PCLO: variants seen among roughly 807,000 people sequenced by gnomAD.
PCLO encodes protein piccolo.
Under a neutral mutation model 427.5 loss-of-function variants are expected in PCLO, and 82 were observed. The ratio of observed to expected loss-of-function variants is 0.19; its 90% CI spans 0.16 to 0.23. The LOEUF is 0.23. Ranked by LOEUF, PCLO falls within the 10% of genes least tolerant of loss-of-function variation. The pLI, the probability that PCLO is intolerant of heterozygous loss-of-function variation, is 1.00. For synonymous variants in PCLO, 2,357 were observed against 2,155.4 expected (o/e 1.09, Z -2.59); for missense variants, 6,239 against 6,115.9 (o/e 1.02, Z -0.67).
At chr7:82,760,535 T>A in intron 24 of PCLO, 104 bp downstream of exon 24, 2 of 652,574 alleles carry the variant, frequency 3.1e-6, no homozygotes, top group South Asian at 9.4e-5. Context: ...ACTTCTCAAA[T>A]GTCATATAGT....
intron 6 of PCLO, among the ~76,000 whole-genome samples, chr7:82,919,987 T>C (rs1011221796): frequency 1.3e-5 from 2 of 152,024 alleles, no homozygotes; most frequent in African/African-American, 4.8e-5. Flanking sequence ...TACTATGTTT[T>C]AGGACTGGTT....
rs1183777408 is a variant in PCLO at position 83,002,555 on chromosome 7, T to A, written c.3301-36068A>T. On this transcript the variant is annotated intron_variant, in intron 3 of 24. Transcript: ENST00000333891. ...AATACAAATAATTTCAATTTTTAAATGAGAATTCTAAAGAATTTACAAAAT... is the reference window on the plus strand; with the variant it reads ...AATACAAATAATTTCAATTTTTAAAAGAGAATTCTAAAGAATTTACAAAAT... 2.0e-5 allele frequency among the ~76,000 whole-genome samples: 3 copies of A among 151,962 alleles called. No individual in the cohort carries two copies. In the East Asian group the frequency reaches 5.8e-4, roughly 29 times the overall value.
At chr7:83,154,674 G>A in intron 2 of PCLO, 74 bp downstream of exon 2, 1 of 1,080,628 alleles carries the variant, frequency 9.3e-7, no homozygotes, top group Non-Finnish European at 1.4e-6. Context: ...TCATATATGT[G>A]TTTAGTTAAG....
chr7:83,152,058 C>T lies in PCLO; in HGVS notation c.1893+2690G>A, dbSNP rs768299268. ...TGGCTCACTGCAAGCTCCGCCTCCC[C>T]GGTTCAGGCCATTCTCCTGCTTCAG... On this transcript the variant is annotated intron_variant, in intron 2 of 24. Coordinates refer to ENST00000333891, the MANE Select transcript of PCLO (RefSeq NM_033026.6). 3.3e-5 allele frequency among the ~76,000 whole-genome samples: 5 copies of T among 151,946 alleles called. No homozygotes were observed. In the East Asian group the frequency reaches 7.8e-4, roughly 24 times the overall value.
Position 82,787,023 on chromosome 7 carries a change from C to T in PCLO, c.15007+14495G>A, listed in dbSNP as rs182069642. On this transcript the variant is annotated intron_variant, in intron 22 of 24. Coordinates refer to ENST00000333891, the MANE Select transcript of PCLO (RefSeq NM_033026.6). ...CGTTTGGGTTGGTTCCAAGTCTTTT[C>T]TATTGTGAACACACAATAAACATAC... Among the ~76,000 whole-genome samples, 1,012 of 152,200 alleles carry T rather than the reference C, an allele frequency of 6.6e-3. 53 individuals are homozygous for T. The highest frequency in any genetic ancestry group is 0.059 in the Admixed American group (900 of 15,280).
At chr7:82,918,912 C>A (rs1041857646) in intron 6 of PCLO, among the ~76,000 whole-genome samples, 1 of 151,968 alleles carries the variant, frequency 6.6e-6, no homozygotes, top group Non-Finnish European at 1.5e-5. Flanking sequence ...AATATAACCA[C>A]TGATAACATT....
In PCLO at chr7:82,805,732, G is replaced by A. The variant is rs773957898; in HGVS notation, c.14889C>T (p.Ser4963=). The change falls in exon 21 of 25, where the codon AGC becomes AGT. Residue 4963 remains serine (S), a synonymous_variant. Coordinates refer to ENST00000333891, the MANE Select transcript of PCLO (RefSeq NM_033026.6). ...GSGYSVDSEG[S]SSTAGETNLF... Reference sequence around the variant, plus strand: ...GATTAGTCTCCCCTGCAGTGCTGCTGCTTCCTTCACTGTCCACGCTATACC... The same window carrying A: ...GATTAGTCTCCCCTGCAGTGCTGCTACTTCCTTCACTGTCCACGCTATACC... The A allele has an allele frequency of 6.2e-7, 1 of 1,612,742 alleles. No individual in the cohort carries two copies. Among genetic ancestry groups the A allele is most frequent in the Non-Finnish European group, 8.5e-7 (1 of 1,179,338 alleles).
chr7:82,846,297 CTG>C (rs1408125104), intron 12 of PCLO, among the ~76,000 whole-genome samples: 3 of 152,124 alleles, frequency 2.0e-5, no homozygotes, highest in Admixed American at 2.0e-4. Context: ...AGAATTAAAA[CTG>C]TGAACTCATG....
At position 82,969,276 on chromosome 7, in the gene PCLO, C is replaced by T. The variant is rs546573704; in HGVS notation, c.3301-2789G>A. Among the ~76,000 whole-genome samples, 106 of 151,876 alleles carry T rather than the reference C, an allele frequency of 7.0e-4. 2 individuals are homozygous for T. Among genetic ancestry groups the T allele is most frequent in the African/African-American group, 2.5e-3 (102 of 41,436 alleles). On this transcript the variant is annotated intron_variant, in intron 3 of 24. Coordinates refer to ENST00000333891, the MANE Select transcript of PCLO (RefSeq NM_033026.6). ...TTGTCACATAAAATATTTCATTGTC[C>T]CAATTTAAAGTAATGCTTGGTAAAC...
In PCLO at chr7:82,761,485, G is replaced by T. The variant is rs1272202973; in HGVS notation, c.15016C>A (p.Gln5006Lys). The change falls in exon 23 of 25, where the codon CAG (glutamine) becomes AAG (lysine). Residue 5006 changes from glutamine (Q) to lysine (K), a missense_variant. Gln to Lys is a moderately conservative substitution (Grantham distance 53, BLOSUM62 1). This residue lies in a region of PCLO where 877 missense variants were observed against 925.5 expected (regional missense o/e 0.95). Transcript: ENST00000333891. ...VGLADTEAKT[Q>K]VMGEIKIALK... The stretch of plus-strand genomic sequence containing the variant: ...GCAATCTTGATTTCTCCCATTACCT[G>T]AGTTTTAGCTGGGAGAATTTAATAA... 1 of 1,596,154 alleles carries T rather than the reference G, an allele frequency of 6.3e-7. No homozygotes were observed. The highest frequency in any genetic ancestry group is 2.2e-5 in the East Asian group (1 of 44,570).
Position 82,761,770 on chromosome 7 carries a change from G to T in PCLO, c.15008-277C>A, listed in dbSNP as rs184500463. Among the ~76,000 whole-genome samples the T allele has an allele frequency of 5.5e-4, 84 of 152,102 alleles. 1 individual carries two copies. The highest frequency in any genetic ancestry group is 4.7e-3 in the Admixed American group (71 of 15,242). On this transcript the variant is annotated intron_variant, in intron 22 of 24. Coordinates refer to ENST00000333891, the MANE Select transcript of PCLO (RefSeq NM_033026.6). ...CAGTCCATGCCCTTAAGCCTGTAAA[G>T]AGTGAAGAATCTTATGGGTAGACTG...
chr7:82,836,919 G>T (rs774694279), intron 15 of PCLO, among the ~76,000 whole-genome samples: 10 of 152,102 alleles, frequency 6.6e-5, no homozygotes, highest in Non-Finnish European at 1.2e-4. Flanking sequence ...ATTTGCCACA[G>T]ATTATTTTAT....
At chr7:83,151,848 C>T (rs1562993215) in intron 2 of PCLO, among the ~76,000 whole-genome samples, 1 of 152,060 alleles carries the variant, frequency 6.6e-6, no homozygotes. Context: ...ACTATAGTAA[C>T]TACTTGAATG....
At chr7:82,999,106 A>G (rs1321548003) in intron 3 of PCLO, among the ~76,000 whole-genome samples, 3 of 149,710 alleles carry the variant, frequency 2.0e-5, no homozygotes, top group Non-Finnish European at 4.4e-5. Flanking sequence ...CTGAGATTAA[A>G]TATCAAGAAT....
intron 20 of PCLO, among the ~76,000 whole-genome samples, chr7:82,818,695 T>C (rs1791726828): frequency 6.6e-6 from 1 of 152,168 alleles, no homozygotes; most frequent in Non-Finnish European, 1.5e-5. Context: ...GTTCTGAAAA[T>C]TTCTAGCTGT....
Position 82,965,822 on chromosome 7 carries a change from C to T in PCLO, c.3966G>A (p.Gln1322=), listed in dbSNP as rs1795752533. ...KTTKTIKEQP[Q]PPCTAKPDQV... is the part of the protein sequence containing the mutation. ...GATCAGGTTTTGCTGTGCATGGTGG[C>T]TGTGGCTGTTCTTTTATTGTTTTGG... is the stretch of plus-strand genomic sequence containing the variant. Residue 1322 remains glutamine, a synonymous_variant, in exon 4 of 25, where the codon CAG becomes CAA. Transcript: ENST00000333891. 1 of 1,613,692 alleles carries T rather than the reference C, an allele frequency of 6.2e-7. No homozygotes were observed. The highest frequency in any genetic ancestry group is 1.7e-5 in the Admixed American group (1 of 59,982).
chr7:83,002,266 T>C (rs1787842606), intron 3 of PCLO, among the ~76,000 whole-genome samples: 1 of 151,966 alleles, frequency 6.6e-6, no homozygotes, highest in African/African-American at 2.4e-5. Flanking sequence ...ATACTGTTTA[T>C]CATACGGCTT....
intron 8 of PCLO, among the ~76,000 whole-genome samples, chr7:82,905,051 G>A (rs1235855929): frequency 6.6e-6 from 1 of 152,050 alleles, no homozygotes; most frequent in Non-Finnish European, 1.5e-5. Context: ...TGTAGCAGAT[G>A]GGGTTACGGG....
At chr7:83,120,084 G>C (rs1289112148) in intron 3 of PCLO, among the ~76,000 whole-genome samples, 1 of 151,976 alleles carries the variant, frequency 6.6e-6, no homozygotes, top group East Asian at 1.9e-4. Context: ...TTAAAGTGGA[G>C]ATAAGAGACG....
Sources: gnomAD v4.1 joint callset for allele counts (sites outside exome capture counted in the v4.1 genomes callset) on GRCh38, gnomAD v4.1.1 for gene constraint, gnomAD v4.1.1 regional missense constraint, MANE v1.5 for transcripts, NCBI Gene and HGNC (gene_info 2026-07-23, HGNC 2026-07-21) for gene names.